The following AKAP1 variants were observed in gnomAD, a reference collection of about 807,000 sequenced individuals.
The protein encoded by AKAP1 is A-kinase anchoring protein 1.
AKAP1 carries 32 observed loss-of-function variants against 79.8 expected under a neutral mutation model. The ratio of observed to expected loss-of-function variants is 0.40; its 90% CI spans 0.30 to 0.54. AKAP1 has a LOEUF of 0.54. Ranked by LOEUF, AKAP1 falls within the 20% of genes least tolerant of loss-of-function variation. The pLI, the probability that AKAP1 is intolerant of heterozygous loss-of-function variation, is 0.47. For missense variants in AKAP1, 961 were observed against 1,138.9 expected, an observed-to-expected ratio of 0.84 and a Z score of 2.25; for synonymous variants, 416 against 466.7, an observed-to-expected ratio of 0.89 and a Z score of 1.40.
intron 4 of AKAP1, 107 bp from the exon 5 acceptor site, chr17:57,112,384 C>T (rs775365970): frequency 1.4e-5 from 19 of 1,386,118 alleles, no homozygotes; most frequent in Non-Finnish European, 1.9e-5. Context: ...TGCACTTGAA[C>T]TCTATGCAAA....
intron 2 of AKAP1, among the ~76,000 whole-genome samples, chr17:57,108,828 A>T (rs1915059232): frequency 6.6e-6 from 1 of 152,190 alleles, no homozygotes; most frequent in South Asian, 2.1e-4. Context: ...AGCCATCGGG[A>T]TGGCAGGTGT....
chr17:57,111,651 G>T (rs1370886452), intron 3 of AKAP1, 147 bp from the exon 4 acceptor site: 3 of 996,530 alleles, frequency 3.0e-6, no homozygotes, highest in African/African-American at 3.2e-5. Context: ...AAATGTAAGT[G>T]CTTAGAATAG....
intron 9 of AKAP1, 40 bp from the exon 10 acceptor site, chr17:57,118,941 CA>C: frequency 6.3e-7 from 1 of 1,599,302 alleles, no homozygotes; most frequent in East Asian, 2.2e-5. Flanking sequence ...AGTGGGGACA[CA>C]AAACCTAACC....
intron 8 of AKAP1, among the ~76,000 whole-genome samples, chr17:57,117,783 CCT>C (rs1567917910): frequency 6.6e-6 from 1 of 152,096 alleles, no homozygotes; most frequent in Non-Finnish European, 1.5e-5. Flanking sequence ...TTGGTAAACC[CCT>C]GTCTCTCCCA....
At position 57,106,300 on chromosome 17, in the gene AKAP1, T is replaced by C. The variant is rs372503975; in HGVS notation, c.836T>C (p.Leu279Pro). 4 of 1,613,918 alleles carry C rather than the reference T, an allele frequency of 2.5e-6. No individual in the cohort carries two copies. The highest frequency in any genetic ancestry group is 2.7e-5 in the African/African-American group (2 of 74,860). Residue 279 changes from leucine (L) to proline (P), a missense_variant, in exon 2 of 11, where the codon CTG (leucine) becomes CCG (proline). By Grantham distance (98) the Leu-to-Pro change is moderately conservative. Transcript: ENST00000337714. ...SRFIESAHTELAKDDAAPAPP... is the reference protein window; with the variant it reads ...SRFIESAHTEPAKDDAAPAPP... ...TTCATCGAGTCGGCTCACACAGAGC[T>C]GGCAAAGGACGATGCGGCGCCAGCA...
At chr17:57,107,224 T>C (rs1914951057) in intron 2 of AKAP1, 46 bp downstream of exon 2, 1 of 1,535,656 alleles carries the variant, frequency 6.5e-7, no homozygotes, top group Non-Finnish European at 8.8e-7. Context: ...GCTCCCAGTA[T>C]TTCTTGGAGA....
At position 57,098,847 on chromosome 17, in the gene AKAP1, C is replaced by T. The variant is rs183335199; in HGVS notation, c.-24-6594C>T. 8.0e-3 allele frequency among the ~76,000 whole-genome samples: 1,204 copies of T among 151,022 alleles called. 9 individuals carry two copies. The highest frequency in any genetic ancestry group is 0.062 in the Middle Eastern group (18 of 292). ...TGCGATCTCAGCTCACTGCAAGCTC[C>T]GCCTCCCAGGTTCATGCCATTCTCC... On this transcript the variant is annotated intron_variant, in intron 1 of 10. Transcript: ENST00000337714.
chr17:57,105,574 A>T lies in AKAP1; in HGVS notation c.110A>T (p.Asp37Val). 1 of 1,614,094 alleles carries T rather than the reference A, an allele frequency of 6.2e-7. No homozygotes were observed. Among genetic ancestry groups the T allele is most frequent in the Non-Finnish European group, 8.5e-7 (1 of 1,180,012 alleles). The change falls in exon 2 of 11, where the codon GAT becomes GTT. Residue 37 changes from aspartate to valine, a missense_variant. By Grantham distance (152) the Asp-to-Val change is radical. Around this residue, in one of 3 missense-constraint regions of AKAP1, gnomAD observed 108 missense variants for 147.6 expected, o/e 0.73. Transcript: ENST00000337714. Reference protein sequence around the residue: ...SRKKGHVSSHDEQQVEAGAVQ... With the variant: ...SRKKGHVSSHVEQQVEAGAVQ... The stretch of plus-strand genomic sequence containing the variant: ...AAAAAAGGCCATGTCAGCAGCCATG[A>T]TGAGCAGCAGGTGGAGGCTGGTGCT...
chr17:57,114,967 G>T (rs1915490415), intron 6 of AKAP1, among the ~76,000 whole-genome samples: 2 of 151,878 alleles, frequency 1.3e-5, no homozygotes, highest in South Asian at 4.2e-4. Flanking sequence ...GTTAAAGGGG[G>T]TGATACCCAC....
At position 57,106,605 on chromosome 17, in the gene AKAP1, C is replaced by T; in HGVS notation, c.1141C>T (p.Leu381Phe). 1 of 1,614,214 alleles carries T rather than the reference C, an allele frequency of 6.2e-7. No homozygotes were observed. Among genetic ancestry groups the T allele is most frequent in the Non-Finnish European group, 8.5e-7 (1 of 1,180,034 alleles). Residue 381 changes from leucine to phenylalanine, a missense_variant, in exon 2 of 11, where the codon CTC becomes TTC. Leu to Phe is a conservative substitution (Grantham distance 22, BLOSUM62 0). Around this residue, in one of 3 missense-constraint regions of AKAP1, gnomAD observed 629 missense variants for 781.1 expected, o/e 0.81. Coordinates refer to ENST00000337714, the MANE Select transcript of AKAP1 (RefSeq NM_003488.4). ...AGGTCGTGTGTGTCAGGCCAGTCAG[C>T]TCCAAGGGCAGAAGGAAGAGAGCTG... ...VAGRVCQASQ[L>F]QGQKEESCVP...
chr17:57,121,257 GGT>G lies in AKAP1; in HGVS notation c.*938_*939del, dbSNP rs1176481350. 6.6e-6 allele frequency: 1 copy of G among 151,986 alleles called. No homozygotes were observed. The highest frequency in any genetic ancestry group is 2.4e-5 in the African/African-American group (1 of 41,356). The allele number at this position is 151,986 out of a possible 1,614,324, so 9.4% of individuals were successfully genotyped here. On this transcript the variant is annotated 3_prime_UTR_variant, in exon 11 of 11. Transcript: ENST00000337714. ...GTAACTCATTGAATTAACTTGCAGT[GGT>G]GTGTTTGATTCTTTTTTAGACTGGC...
rs1486138855 is a variant in AKAP1, at chr17:57,106,152, A to C, written c.688A>C (p.Asn230His). ...LSREHVLELE[N>H]SKGPSLASLE... is the part of the protein sequence containing the mutation. ...TCGGGAGCATGTCTTGGAATTGGAG[A>C]ACAGCAAGGGCCCCAGCCTGGCCTC... Residue 230 changes from asparagine (N) to histidine (H), a missense_variant, in exon 2 of 11, where the codon AAC (asparagine) becomes CAC (histidine). Physicochemically the swap from Asn to His is moderately conservative, Grantham distance 68. Transcript: ENST00000337714. 2 of 1,610,142 alleles carry C rather than the reference A, an allele frequency of 1.2e-6. No individual in the cohort carries two copies. Among genetic ancestry groups the C allele is most frequent in the Non-Finnish European group, 1.7e-6 (2 of 1,177,488 alleles).
chr17:57,087,146 C>T (rs898166592), intron 1 of AKAP1, among the ~76,000 whole-genome samples: 3 of 152,224 alleles, frequency 2.0e-5, no homozygotes, highest in Non-Finnish European at 4.4e-5. Flanking sequence ...GCATGCAAAT[C>T]ACTAAAGCTT....
intron 1 of AKAP1, among the ~76,000 whole-genome samples, chr17:57,103,370 T>A (rs891074250): frequency 1.3e-5 from 2 of 152,224 alleles, no homozygotes; most frequent in Non-Finnish European, 2.9e-5. Context: ...CTCAATCCCC[T>A]AGGGATCTTG....
Position 57,120,403 on chromosome 17 carries a change from A to C in AKAP1, c.*79A>C, listed in dbSNP as rs117948788. Reference sequence around the variant, plus strand: ...CACTCAAGTCAAAGATGAACATCGGAATAACAAACATTGTCCTCTCCAGAA... The same window carrying C: ...CACTCAAGTCAAAGATGAACATCGGCATAACAAACATTGTCCTCTCCAGAA... On this transcript the variant is annotated 3_prime_UTR_variant, in exon 11 of 11. Transcript: ENST00000337714. 13,307 of 1,257,718 alleles carry C rather than the reference A, an allele frequency of 0.011. 119 individuals carry two copies. Among genetic ancestry groups the C allele is most frequent in the South Asian group, 0.028 (2,155 of 77,292 alleles). The allele number at this position is 1,257,718 out of a possible 1,614,324, so 77.9% of individuals were successfully genotyped here.
Position 57,118,447 on chromosome 17 carries a change from T to C in AKAP1, c.2567T>C (p.Leu856Pro), listed in dbSNP as rs1645469045. The C allele has an allele frequency of 6.2e-7, 1 of 1,613,806 alleles. No individual in the cohort carries two copies. Among genetic ancestry groups the C allele is most frequent in the African/African-American group, 1.3e-5 (1 of 74,894 alleles). Residue 856 changes from leucine (L) to proline (P), a missense_variant, in exon 9 of 11, where the codon CTT becomes CCT. By Grantham distance (98) the Leu-to-Pro change is moderately conservative. This residue lies in a region of AKAP1 where 629 missense variants were observed against 781.1 expected (regional missense o/e 0.81). Transcript: ENST00000337714. ...GAGATGACGGGGAATACAGCACTGC[T>C]TGCTCAGGTGTGTGGTTGGCAGGGG... ...MSEMTGNTAL[L>P]AQVTSYSPTG...
At chr17:57,095,260 C>T (rs1371343642) in intron 1 of AKAP1, 1 of 152,102 alleles carries the variant, frequency 6.6e-6, no homozygotes, top group Non-Finnish European at 1.5e-5. Context: ...CTCCTGGGTT[C>T]AAGCAATTCT....
intron 8 of AKAP1, 55 bp downstream of exon 8, chr17:57,116,982 G>A: frequency 6.5e-7 from 1 of 1,538,262 alleles, no homozygotes; most frequent in Non-Finnish European, 9.0e-7. Flanking sequence ...GTTGAGAGTA[G>A]GTCTTTCTCA....
chr17:57,116,843 C>T lies in AKAP1; in HGVS notation c.2433-17C>T, dbSNP rs748690341. ...CTTCATGTCCACATTAAACTTGTTCCTTTCTTGCCTTCCCAGGTCTGACTT... is the reference window on the plus strand; with the variant it reads ...CTTCATGTCCACATTAAACTTGTTCTTTTCTTGCCTTCCCAGGTCTGACTT... On this transcript the variant is annotated splice_polypyrimidine_tract_variant and intron_variant, in intron 7 of 10. Coordinates refer to ENST00000337714, the MANE Select transcript of AKAP1 (RefSeq NM_003488.4). 6.2e-7 allele frequency: 1 copy of T among 1,613,746 alleles called. No individual in the cohort carries two copies. Among genetic ancestry groups the T allele is most frequent in the East Asian group, 2.2e-5 (1 of 44,878 alleles).
Sources: gnomAD v4.1 joint callset for allele counts (sites outside exome capture counted in the v4.1 genomes callset) on GRCh38, gnomAD v4.1.1 for gene constraint, gnomAD v4.1.1 regional missense constraint, MANE v1.5 for transcripts, NCBI Gene and HGNC (gene_info 2026-07-23, HGNC 2026-07-21) for gene names.